The following LRGUK variants were observed in gnomAD, a reference collection of about 807,000 sequenced individuals.
LRGUK encodes the protein leucine rich repeats and guanylate kinase domain containing.
A neutral mutation model predicts 76.0 loss-of-function variants in LRGUK; 65 were observed. The ratio of observed to expected loss-of-function variants is 0.85; its 90% CI spans 0.70 to 1.05. The LOEUF (loss-of-function observed/expected upper bound fraction) is 1.05. Ranked by LOEUF, LRGUK falls within the 50% of genes least tolerant of loss-of-function variation. The pLI is 0.00. For synonymous variants in LRGUK, 268 were observed against 265.6 expected, an observed-to-expected ratio of 1.01 and a Z score of -0.09; for missense variants, 758 against 732.8, an observed-to-expected ratio of 1.03 and a Z score of -0.40.
chr7:134,153,880 C>T (rs939491810), intron 5 of LRGUK, among the ~76,000 whole-genome samples: 3 of 152,212 alleles, frequency 2.0e-5, no homozygotes, highest in Non-Finnish European at 4.4e-5. Context: ...GGATTTCCTA[C>T]TATTTCTCAG....
At chr7:134,152,772 A>G (rs1036595804) in intron 5 of LRGUK, among the ~76,000 whole-genome samples, 4 of 152,132 alleles carry the variant, frequency 2.6e-5, no homozygotes, top group African/African-American at 7.2e-5. Flanking sequence ...GGAGCCTTGT[A>G]TAAGAATGTT....
intron 10 of LRGUK, among the ~76,000 whole-genome samples, chr7:134,183,077 T>C (rs1445781063): frequency 6.6e-6 from 1 of 152,232 alleles, no homozygotes; most frequent in Non-Finnish European, 1.5e-5. Context: ...TATTAATCAA[T>C]TCATTCTTTA....
At chr7:134,141,473 G>A (rs1797762605) in intron 3 of LRGUK, 1 of 152,292 alleles carries the variant, frequency 6.6e-6, no homozygotes, top group Admixed American at 6.5e-5. Context: ...TGGGCAAGGA[G>A]GTCACTGCAC....
intron 5 of LRGUK, among the ~76,000 whole-genome samples, chr7:134,155,213 T>C (rs902742404): frequency 6.6e-6 from 1 of 152,224 alleles, no homozygotes; most frequent in Non-Finnish European, 1.5e-5. Flanking sequence ...ATTTCATCCA[T>C]ACCTGAGTGA....
chr7:134,174,739 T>C, intron 8 of LRGUK, 103 bp downstream of exon 8: 1 of 738,122 alleles, frequency 1.4e-6, no homozygotes, highest in Non-Finnish European at 2.4e-6. Context: ...TAAAAGAATA[T>C]CAGGAATGTG....
chr7:134,176,960 C>G lies in LRGUK; in HGVS notation c.1021-17C>G, dbSNP rs762521371. The G allele has an allele frequency of 3.3e-6, 5 of 1,504,098 alleles. No individual in the cohort carries two copies. The African/African-American group carries it at 6.9e-5, about 21-fold the overall frequency. 93.2% of individuals were successfully genotyped at this position (1,504,098 alleles called of 1,614,324 possible). A position where few individuals can be genotyped will look rare whatever the true frequency, so the allele number is the denominator to read the frequency against. ...AAAAGGAAGGCAACTGAACAGTCCT[C>G]TTGATATTTTAAATAGGAAAAGTCT... On this transcript the variant is annotated splice_polypyrimidine_tract_variant and intron_variant, in intron 8 of 15. Coordinates refer to ENST00000645682, the Ensembl canonical transcript of LRGUK.
intron 18 of LRGUK, among the ~76,000 whole-genome samples, chr7:134,254,969 T>G (rs2117219086): frequency 6.6e-6 from 1 of 152,326 alleles, no homozygotes; most frequent in African/African-American, 2.4e-5. Context: ...GTGATTTTCC[T>G]TTTTCCTTCT....
intron 4 of LRGUK, among the ~76,000 whole-genome samples, chr7:134,145,039 G>T (rs1797912858): frequency 6.6e-6 from 1 of 152,020 alleles, no homozygotes; most frequent in African/African-American, 2.4e-5. Flanking sequence ...CACTCTCCCA[G>T]AAAGACCCTA....
chr7:134,258,416 G>A lies in LRGUK; in HGVS notation c.2347+11G>A, dbSNP rs775684008. The A allele has an allele frequency of 1.9e-6, 3 of 1,612,078 alleles. No individual in the cohort carries two copies. The highest frequency in any genetic ancestry group is 1.3e-5 in the African/African-American group (1 of 74,868). On this transcript the variant is annotated intron_variant, in intron 19 of 19. Transcript: ENST00000285928. ...AAGAGACCCGGAAAGGTATGAGTTAGGCCAAGCGCGGTGGCTCATGCCTGT... is the reference window on the plus strand; with the variant it reads ...AAGAGACCCGGAAAGGTATGAGTTAAGCCAAGCGCGGTGGCTCATGCCTGT...
At chr7:134,159,329 C>G (rs1475922179) in intron 6 of LRGUK, among the ~76,000 whole-genome samples, 2 of 145,248 alleles carry the variant, frequency 1.4e-5, no homozygotes, top group Admixed American at 6.9e-5. Flanking sequence ...AGAGTAAGAC[C>G]CTGCCTCAAA....
intron 3 of LRGUK, among the ~76,000 whole-genome samples, chr7:134,141,063 A>G (rs1173844208): frequency 6.6e-6 from 1 of 152,160 alleles, no homozygotes; most frequent in Admixed American, 6.5e-5. Flanking sequence ...GGGCCTTGCC[A>G]ATGCTCACTG....
intron 16 of LRGUK, among the ~76,000 whole-genome samples, chr7:134,227,412 C>T (rs903855687): frequency 3.3e-5 from 5 of 152,068 alleles, no homozygotes; most frequent in Non-Finnish European, 7.4e-5. Context: ...TCAAAAGATC[C>T]CAGATGTCCC....
chr7:134,127,847 C>A (rs574321944), intron 1 of LRGUK, among the ~76,000 whole-genome samples, 183 bp downstream of exon 1: 22 of 152,148 alleles, frequency 1.4e-4, no homozygotes, highest in African/African-American at 4.8e-4. Flanking sequence ...TTTCTCACCC[C>A]CTGCCTGAAA....
At chr7:134,128,591 C>G (rs1563130402) in intron 1 of LRGUK, among the ~76,000 whole-genome samples, 1 of 152,220 alleles carries the variant, frequency 6.6e-6, no homozygotes, top group Non-Finnish European at 1.5e-5. Flanking sequence ...GGCTTTGTCA[C>G]CAGGCGGGAG....
chr7:134,222,014 A>C (rs1191776227), intron 16 of LRGUK, 96 bp downstream of exon 16: 13 of 1,207,684 alleles, frequency 1.1e-5, no homozygotes, highest in Non-Finnish European at 1.4e-5. Context: ...AAGTTTCCCC[A>C]AAATTATTCT....
chr7:134,222,419 T>C (rs557031838), intron 16 of LRGUK, among the ~76,000 whole-genome samples: 4 of 152,310 alleles, frequency 2.6e-5, no homozygotes, highest in East Asian at 1.9e-4. Context: ...GAATGCAAAA[T>C]TGGCACTGCA....
Position 134,185,394 on chromosome 7 carries a change from C to G in LRGUK, c.1334+1541C>G, listed in dbSNP as rs191504272. 3.6e-3 allele frequency among the ~76,000 whole-genome samples: 555 copies of G among 152,078 alleles called. 1 individual carries two copies. Among genetic ancestry groups the G allele is most frequent in the South Asian group, 0.016 (75 of 4,808 alleles). On this transcript the variant is annotated intron_variant, in intron 11 of 15. Transcript: ENST00000645682. ...CAGTCAACATGGCAAAATCTCTTCT[C>G]TACTAAAAGTATAAAAATTAGCTGG...
chr7:134,271,714 A>C, the LRGUK span, among the ~76,000 whole-genome samples: 1 of 151,946 alleles, frequency 6.6e-6, no homozygotes, highest in Non-Finnish European at 1.5e-5. Flanking sequence ...CTATTTATGT[A>C]GGTTTTCATT....
chr7:134,157,669 C>A (rs1340256151), intron 5 of LRGUK, among the ~76,000 whole-genome samples: 6 of 152,118 alleles, frequency 3.9e-5, no homozygotes, highest in African/African-American at 1.4e-4. Flanking sequence ...ACTACAGGCA[C>A]CCACCACCAC....
Sources: gnomAD v4.1 joint callset for allele counts (sites outside exome capture counted in the v4.1 genomes callset) on GRCh38, gnomAD v4.1.1 for gene constraint, MANE v1.5 for transcripts, NCBI Gene and HGNC (gene_info 2026-07-23, HGNC 2026-07-21) for gene names.